Variants in DNAH10 observed in about 807,000 individuals in gnomAD.
The protein encoded by DNAH10 is dynein axonemal heavy chain 10.
Under a neutral mutation model 506.6 loss-of-function variants are expected in DNAH10, and 348 were observed. That is an observed-to-expected ratio of 0.69 (90% CI 0.63 to 0.75). The LOEUF is 0.75. Among genes scored for constraint, DNAH10 ranks in the 30% least tolerant of loss-of-function variants. DNAH10 has a pLI of 0.00. For synonymous variants in DNAH10, 2,059 were observed against 2,198.6 expected (o/e 0.94, Z 1.78); for missense variants, 5,179 against 5,787.1 (o/e 0.89, Z 3.41).
intron 6 of DNAH10, among the ~76,000 whole-genome samples, chr12:123,782,332 T>TCCCCTCCCCC (rs1957687028): frequency 1.2e-5 from 1 of 80,588 alleles, no homozygotes; most frequent in African/African-American, 5.7e-5. Flanking sequence ...CTGCCCTGCC[T>TCCCCTCCCCC]CCCCTCCCCT....
chr12:123,930,060 A>G, intron 72 of DNAH10: 2 of 543,132 alleles, frequency 3.7e-6, no homozygotes, highest in East Asian at 3.0e-5. Context: ...TGGTCTGCAC[A>G]CGGCTCAGGC....
rs375487386 is a variant in DNAH10 at position 123,786,167 on chromosome 12, A to G, written c.1421+231A>G. Among the ~76,000 whole-genome samples the G allele has an allele frequency of 2.0e-5, 3 of 152,170 alleles. No homozygotes were observed. In the East Asian group the frequency reaches 5.8e-4, roughly 29 times the overall value. On this transcript the variant is annotated intron_variant, in intron 9 of 78. Transcript: ENST00000673944. ...GAAGTTCGAGACCAGCCTGGCCAAC[A>G]TGGTGAAACCCCATGCGTGGTGGGC...
intron 54 of DNAH10, among the ~76,000 whole-genome samples, chr12:123,896,061 C>T (rs553898390): frequency 2.6e-4 from 38 of 145,854 alleles, no homozygotes; most frequent in African/African-American, 2.7e-4. Flanking sequence ...TGCAGTGAGC[C>T]GAGTTTGTGC....
intron 43 of DNAH10, 33 bp downstream of exon 43, chr12:123,868,152 T>G: frequency 6.4e-7 from 1 of 1,567,808 alleles, no homozygotes; most frequent in Non-Finnish European, 8.7e-7. Flanking sequence ...TTCCCTGCTC[T>G]GAGTGCCTTT....
chr12:123,914,360 C>T lies in DNAH10; in HGVS notation c.10384C>T (p.Arg3462Trp), dbSNP rs200075659. 52 of 1,613,196 alleles carry T rather than the reference C, an allele frequency of 3.2e-5. No homozygotes were observed. The Admixed American group carries it at 5.3e-4, about 17-fold the overall frequency. Residue 3462 changes from arginine (R) to tryptophan (W), a missense_variant, in exon 61 of 79, where the codon CGG (arginine) becomes TGG (tryptophan). Coordinates refer to ENST00000673944, the MANE Select transcript of DNAH10 (RefSeq NM_001372106.1). ...GAACGACCTGGATGAGCTGATGCAC[C>T]GGCGCGTGAAGCTGCTGGGGGACTG... Reference protein sequence around the residue: ...WLNDLDELMHRRVKLLGDCLL... With the variant: ...WLNDLDELMHWRVKLLGDCLL...
chr12:123,865,914 T>C (rs1951785808), intron 40 of DNAH10, 37 bp from the exon 41 acceptor site: 6 of 1,566,672 alleles, frequency 3.8e-6, no homozygotes, highest in African/African-American at 1.4e-5. Context: ...ATCTTGTGTA[T>C]AGCTATAGCC....
Position 123,903,445 on chromosome 12 carries a change from G to A in DNAH10, c.9815+332G>A, listed in dbSNP as rs1953623470. 6.6e-6 allele frequency among the ~76,000 whole-genome samples: 1 copy of A among 152,196 alleles called. No homozygotes were observed. The highest frequency in any genetic ancestry group is 1.5e-5 in the Non-Finnish European group (1 of 68,032). ...GGGGGCAAGTGTCCGCCCTAAGCAG[G>A]GGCAGGATGCTCACCATGGGGCTGA... On this transcript the variant is annotated intron_variant, in intron 57 of 78. Coordinates refer to ENST00000673944, the MANE Select transcript of DNAH10 (RefSeq NM_001372106.1). The surrounding 1 kb of genome is among the most constrained non-coding windows in gnomAD (Gnocchi z 4.6).
chr12:123,821,807 G>T (rs1959437765), intron 24 of DNAH10, among the ~76,000 whole-genome samples: 1 of 152,238 alleles, frequency 6.6e-6, no homozygotes, highest in South Asian at 2.1e-4. Flanking sequence ...GGTGGCTCAT[G>T]CTTGTAATCC....
chr12:123,876,475 A>G (rs1164481246), intron 47 of DNAH10, among the ~76,000 whole-genome samples: 1 of 152,038 alleles, frequency 6.6e-6, no homozygotes, highest in Non-Finnish European at 1.5e-5. Flanking sequence ...TCTACTAAAA[A>G]TACAAAAATT....
chr12:123,859,099 C>T (rs145052133), intron 37 of DNAH10, 51 bp from the exon 38 acceptor site: 16,527 of 1,506,388 alleles, frequency 0.011, 130 homozygotes, highest in South Asian at 0.018. Context: ...AATAAAACTG[C>T]GTCAGAAAAA....
Position 123,918,860 on chromosome 12 carries a change from A to G in DNAH10, c.11417A>G (p.Lys3806Arg), listed in dbSNP as rs1250188391. 10 of 1,613,912 alleles carry G rather than the reference A, an allele frequency of 6.2e-6. No homozygotes were observed. Among genetic ancestry groups the G allele is most frequent in the African/African-American group, 1.3e-5 (1 of 75,030 alleles). The change falls in exon 65 of 79, where the codon AAG becomes AGG. Residue 3806 changes from lysine to arginine, a missense_variant. Lys to Arg is a conservative substitution (Grantham distance 26, BLOSUM62 2). Around this residue, in one of 3 missense-constraint regions of DNAH10, gnomAD observed 4,844 missense variants for 5,430.5 expected, o/e 0.89. Transcript: ENST00000673944. ...AFLEVFRLSL[K>R]KSLPDSILMK... is the part of the protein sequence containing the mutation. ...TTAGAGGTCTTCAGGCTGTCACTGA[A>G]GAAGTCGCTGCCTGATTCCATCCTC... is the stretch of plus-strand genomic sequence containing the variant.
Position 123,787,143 on chromosome 12 carries a change from T to C in DNAH10, c.1422-661T>C, listed in dbSNP as rs757379241. Among the ~76,000 whole-genome samples the C allele has an allele frequency of 6.6e-6, 1 of 152,210 alleles. No individual in the cohort carries two copies. The highest frequency in any genetic ancestry group is 1.5e-5 in the Non-Finnish European group (1 of 68,020). ...ATCATCATCTAGCGATCTATCTAGATAGACAGATCTATCTGGATATCTATG... is the reference window on the plus strand; with the variant it reads ...ATCATCATCTAGCGATCTATCTAGACAGACAGATCTATCTGGATATCTATG... On this transcript the variant is annotated intron_variant, in intron 9 of 78. Coordinates refer to ENST00000673944, the MANE Select transcript of DNAH10 (RefSeq NM_001372106.1). The surrounding 1 kb of genome is among the most constrained non-coding windows in gnomAD (Gnocchi z 4.6).
chr12:123,783,983 G>A lies in DNAH10; in HGVS notation c.1036G>A (p.Glu346Lys). The A allele has an allele frequency of 6.2e-7, 1 of 1,614,180 alleles. No individual in the cohort carries two copies. The highest frequency in any genetic ancestry group is 8.5e-7 in the Non-Finnish European group (1 of 1,180,034). ...TCTGGCTGAAATTGAATTCTGGAGG[G>A]AAAGAAATGCAACCTTAAGTGCGCT... is the stretch of plus-strand genomic sequence containing the variant. The part of the protein sequence containing the change: ...GPLAEIEFWR[E>K]RNATLSALHE... The change falls in exon 8 of 79, where the codon GAA becomes AAA. Residue 346 changes from glutamate (E) to lysine (K), a missense_variant. Coordinates refer to ENST00000673944, the MANE Select transcript of DNAH10 (RefSeq NM_001372106.1).
In DNAH10 at chr12:123,848,058, G is replaced by A. The variant is rs766967012; in HGVS notation, c.5912G>A (p.Cys1971Tyr). ...KDLAKALGLL[C>Y]VVTNCGEGMD... Reference sequence around the variant, plus strand: ...CTGGCGAAAGCCTTGGGCTTGCTCTGTGTTGTCACCAACTGTGGCGAAGGC... The same window carrying A: ...CTGGCGAAAGCCTTGGGCTTGCTCTATGTTGTCACCAACTGTGGCGAAGGC... The change falls in exon 33 of 79, where the codon TGT (cysteine) becomes TAT (tyrosine). Residue 1971 changes from cysteine to tyrosine, a missense_variant. Coordinates refer to ENST00000673944, the MANE Select transcript of DNAH10 (RefSeq NM_001372106.1). 31 of 1,613,824 alleles carry A rather than the reference G, an allele frequency of 1.9e-5. 1 individual carries two copies. Among genetic ancestry groups the A allele is most frequent in the South Asian group, 5.5e-5 (5 of 91,078 alleles).
intron 52 of DNAH10, among the ~76,000 whole-genome samples, chr12:123,892,705 T>C (rs1276063580): frequency 6.6e-6 from 1 of 152,148 alleles, no homozygotes; most frequent in Non-Finnish European, 1.5e-5. Context: ...GGCGTAGATA[T>C]AGGAAAAAAG....
In DNAH10 at chr12:123,917,982, A is replaced by G. The variant is rs1311353376; in HGVS notation, c.11232+169A>G. The stretch of plus-strand genomic sequence containing the variant: ...GGAGGGGAGCCCTAAAGGTGTTCCC[A>G]GGGACCCTTGGGCATCAGGTCAGTC... On this transcript the variant is annotated intron_variant, in intron 64 of 78. Transcript: ENST00000673944. The surrounding 1 kb of genome is among the most constrained non-coding windows in gnomAD (Gnocchi z 5.6). 6.6e-6 allele frequency among the ~76,000 whole-genome samples: 1 copy of G among 152,232 alleles called. No individual in the cohort carries two copies. The highest frequency in any genetic ancestry group is 2.4e-5 in the African/African-American group (1 of 41,466).
chr12:123,875,354 G>A lies in DNAH10; in HGVS notation c.8062G>A (p.Ala2688Thr). 6.2e-7 allele frequency: 1 copy of A among 1,613,984 alleles called. No homozygotes were observed. Among genetic ancestry groups the A allele is most frequent in the Non-Finnish European group, 8.5e-7 (1 of 1,179,880 alleles). The part of the protein sequence containing the change: ...KSIRDLGFIA[A>T]MGKAGGGRNE... ...CATTCGAGACCTTGGCTTTATTGCTGCAATGGGAAAGGCTGGAGGAGGCCG... is the reference window on the plus strand; with the variant it reads ...CATTCGAGACCTTGGCTTTATTGCTACAATGGGAAAGGCTGGAGGAGGCCG... Residue 2688 changes from alanine (A) to threonine (T), a missense_variant, in exon 47 of 79, where the codon GCA becomes ACA. Coordinates refer to ENST00000673944, the MANE Select transcript of DNAH10 (RefSeq NM_001372106.1).
In DNAH10 at chr12:123,932,074, A is replaced by G. The variant is rs779350499; in HGVS notation, c.13262A>G (p.Tyr4421Cys). 2 of 1,613,934 alleles carry G rather than the reference A, an allele frequency of 1.2e-6. No homozygotes were observed. Among genetic ancestry groups the G allele is most frequent in the South Asian group, 2.2e-5 (2 of 91,074 alleles). The change falls in exon 76 of 79, where the codon TAC becomes TGC. Residue 4421 changes from tyrosine to cysteine, a missense_variant. This residue lies in a region of DNAH10 where 4,844 missense variants were observed against 5,430.5 expected (regional missense o/e 0.89). Coordinates refer to ENST00000673944, the MANE Select transcript of DNAH10 (RefSeq NM_001372106.1). ...TLKSLGNWMV[Y>C]FLRRFSQYML... ...AAGTCCCTTGGAAACTGGATGGTCTACTTCCTGCGGCGGTTCAGCCAGTAC... is the reference window on the plus strand; with the variant it reads ...AAGTCCCTTGGAAACTGGATGGTCTGCTTCCTGCGGCGGTTCAGCCAGTAC...
Position 123,780,260 on chromosome 12 carries a change from G to T in DNAH10, c.622-820G>T, listed in dbSNP as rs570550673. 5.3e-5 allele frequency among the ~76,000 whole-genome samples: 8 copies of T among 151,524 alleles called. No individual in the cohort carries two copies. The South Asian group carries it at 1.3e-3, about 24-fold the overall frequency. ...CGGCTCCCTGCAACCGCCGCCTCCT[G>T]GTTCAAGCAATTCTCATGCCTCAGC... On this transcript the variant is annotated intron_variant, in intron 5 of 78. Coordinates refer to ENST00000673944, the MANE Select transcript of DNAH10 (RefSeq NM_001372106.1).
Sources: gnomAD v4.1 joint callset for allele counts (sites outside exome capture counted in the v4.1 genomes callset) on GRCh38, gnomAD v4.1.1 for gene constraint, gnomAD v4.1.1 regional missense constraint, Gnocchi (gnomAD v3.1) non-coding constraint, MANE v1.5 for transcripts, NCBI Gene and HGNC (gene_info 2026-07-23, HGNC 2026-07-21) for gene names.